Variants in FAM53A observed in about 807,000 individuals in gnomAD.
FAM53A encodes family with sequence similarity 53 member A.
Under a neutral mutation model 26.6 loss-of-function variants are expected in FAM53A, and 28 were observed. The observed-to-expected ratio is 1.05, with a 90% CI of 0.78 to 1.45. The LOEUF (loss-of-function observed/expected upper bound fraction) is 1.45, where lower values mean the gene tolerates loss of function less well. Among genes scored for constraint, FAM53A ranks in the 40% most tolerant of loss-of-function variants. The probability of loss-of-function intolerance (pLI) is 0.00; values close to 1 mark genes in which losing one functional copy is unlikely to be tolerated. For missense variants in FAM53A, 650 were observed against 575.8 expected (o/e 1.13, Z -1.32); for synonymous variants, 290 against 253.1 (o/e 1.15, Z -1.38).
chr4:1,603,844 C>T, the FAM53A span, among the ~76,000 whole-genome samples: 3 of 152,298 alleles, frequency 2.0e-5, no homozygotes, highest in African/African-American at 4.8e-5. Context: ...GGCTGGCAGG[C>T]GTCCTGGGCA....
chr4:1,622,636 G>A (rs1360832029), intron 1 of FAM53A, among the ~76,000 whole-genome samples: 1 of 152,252 alleles, frequency 6.6e-6, no homozygotes, highest in Non-Finnish European at 1.5e-5. Flanking sequence ...TGGGGGTCTG[G>A]CGGGGGCTGT....
intron 4 of FAM53A, chr4:1,644,723 C>A (rs1045190024): frequency 1.1e-5 from 2 of 185,642 alleles, no homozygotes; most frequent in South Asian, 1.3e-4. Context: ...AGCGCAGAGG[C>A]CTTTCAAACT....
In FAM53A at chr4:1,640,777, A is replaced by G. The variant is rs62286252; in HGVS notation, c.*516T>C. 29 of 353,454 alleles carry G rather than the reference A, an allele frequency of 8.2e-5. No homozygotes were observed. Among genetic ancestry groups the G allele is most frequent in the East Asian group, 4.8e-4 (4 of 8,286 alleles). 21.9% of individuals were successfully genotyped at this position (353,454 alleles called of 1,614,324 possible). A position where few individuals can be genotyped will look rare whatever the true frequency, so the allele number is the denominator to read the frequency against. The stretch of plus-strand genomic sequence containing the variant: ...CCCAGGGCAGGTGCCGGTGGCAGCC[A>G]TGGCCCCGACCAGCTCACAGGAAAC... On this transcript the variant is annotated 3_prime_UTR_variant, in exon 5 of 5. Coordinates refer to ENST00000308132, the MANE Select transcript of FAM53A (RefSeq NM_001174070.3).
chr4:1,648,196 G>A lies in FAM53A; in HGVS notation c.883-6589C>T, dbSNP rs143054614. Among the ~76,000 whole-genome samples, 18 of 152,288 alleles carry A rather than the reference G, an allele frequency of 1.2e-4. No homozygotes were observed. The Middle Eastern group carries it at 0.01, about 86-fold the overall frequency. ...TACACTCCAGCCAGGGCAACAGAGA[G>A]AGAGACCCTGTCTCCAAAAAACAAA... is the stretch of plus-strand genomic sequence containing the variant. On this transcript the variant is annotated intron_variant, in intron 4 of 4. Transcript: ENST00000308132.
rs373608600 is a variant in FAM53A, at chr4:1,633,993, G to A, written c.432-15882C>T. 9.2e-5 allele frequency among the ~76,000 whole-genome samples: 14 copies of A among 152,164 alleles called. No homozygotes were observed. The East Asian group carries it at 2.3e-3, about 25-fold the overall frequency. On this transcript the variant is annotated intron_variant, in intron 1 of 1. Coordinates refer to the FAM53A transcript ENST00000489029. Reference sequence around the variant, plus strand: ...TGAGGCTGTGGCTGGGGGAGCGCCCGGGGTTTCAGGGACACCCGGGAGGAC... The same window carrying A: ...TGAGGCTGTGGCTGGGGGAGCGCCCAGGGTTTCAGGGACACCCGGGAGGAC...
downstream of FAM53A, among the ~76,000 whole-genome samples, chr4:1,615,523 C>T (rs889097300): frequency 1.4e-5 from 2 of 147,880 alleles, no homozygotes; most frequent in South Asian, 4.3e-4. Flanking sequence ...CAGGATGTGG[C>T]CACGCCCATC....
At chr4:1,616,681 G>T (rs1560101718), downstream of FAM53A, among the ~76,000 whole-genome samples, 1 of 152,264 alleles carries the variant, frequency 6.6e-6, no homozygotes, top group Non-Finnish European at 1.5e-5. Context: ...GCTTTGATAA[G>T]AAGGATGCAG....
intron 2 of FAM53A, among the ~76,000 whole-genome samples, chr4:1,663,595 C>A (rs536079531): frequency 1.3e-5 from 2 of 152,160 alleles, no homozygotes; most frequent in Admixed American, 6.5e-5. Context: ...CTGTCCACCA[C>A]GGCAGCCACC....
At chr4:1,662,561 G>A (rs939081796) in intron 2 of FAM53A, among the ~76,000 whole-genome samples, 6 of 148,360 alleles carry the variant, frequency 4.0e-5, no homozygotes, top group Admixed American at 6.7e-5. Context: ...GAGGGAGGAG[G>A]ATCACTTGAG....
In FAM53A at chr4:1,657,313, G is replaced by C. The variant is rs934700374; in HGVS notation, c.136+95C>G. The C allele has an allele frequency of 5.1e-6, 6 of 1,169,362 alleles. No homozygotes were observed. The South Asian group carries it at 7.8e-5, about 15-fold the overall frequency. 72.4% of individuals were successfully genotyped at this position (1,169,362 alleles called of 1,614,324 possible). A position where few individuals can be genotyped will look rare whatever the true frequency, so the allele number is the denominator to read the frequency against. ...ACGAACACCTTCCTGGGCTTCTGCA[G>C]ATCCGGCTCATGTTCTGCGTCCAGG... On this transcript the variant is annotated intron_variant, in intron 3 of 4. Coordinates refer to ENST00000308132, the MANE Select transcript of FAM53A (RefSeq NM_001174070.3).
At chr4:1,678,157 C>T (rs6818586) in intron 1 of FAM53A, among the ~76,000 whole-genome samples, 2 of 152,048 alleles carry the variant, frequency 1.3e-5, no homozygotes, top group Non-Finnish European at 2.9e-5. Flanking sequence ...GAGTTCAAGA[C>T]CAGCCTGGGC....
chr4:1,640,131 G>A lies in FAM53A; in HGVS notation c.*1162C>T, dbSNP rs568500485. On this transcript the variant is annotated 3_prime_UTR_variant, in exon 5 of 5. Coordinates refer to ENST00000308132, the MANE Select transcript of FAM53A (RefSeq NM_001174070.3). ...CTGCCGGCAGGACAGCCTTCCCAGA[G>A]GTCTGGCACTACACCCCACCTGAAG... is the stretch of plus-strand genomic sequence containing the variant. 83 of 155,016 alleles carry A rather than the reference G, an allele frequency of 5.4e-4. No homozygotes were observed. Among genetic ancestry groups the A allele is most frequent in the South Asian group, 2.6e-3 (13 of 4,944 alleles). 9.6% of individuals were successfully genotyped at this position (155,016 alleles called of 1,614,324 possible). A position where few individuals can be genotyped will look rare whatever the true frequency, so the allele number is the denominator to read the frequency against.
At chr4:1,636,173 G>C (rs1715830177), downstream of FAM53A, among the ~76,000 whole-genome samples, 2 of 152,242 alleles carry the variant, frequency 1.3e-5, no homozygotes, top group South Asian at 4.1e-4. Flanking sequence ...GAAATGTACT[G>C]GCATTTGCTT....
chr4:1,666,282 C>A (rs1452009721), intron 2 of FAM53A, among the ~76,000 whole-genome samples: 16 of 138,536 alleles, frequency 1.2e-4, no homozygotes, highest in African/African-American at 4.5e-4. Flanking sequence ...AAACCTGCAC[C>A]CCCTGTATCT....
chr4:1,607,911 A>G, the FAM53A span, among the ~76,000 whole-genome samples: 143 of 146,440 alleles, frequency 9.8e-4, no homozygotes, highest in African/African-American at 3.0e-3. Flanking sequence ...CTGCACTCCA[A>G]CCTGGGCAAA....
chr4:1,667,614 C>T (rs1324941670), intron 2 of FAM53A, among the ~76,000 whole-genome samples: 1 of 152,204 alleles, frequency 6.6e-6, no homozygotes, highest in Non-Finnish European at 1.5e-5. Flanking sequence ...GACCCTCAGA[C>T]CCTCACTGGA....
rs1488595529 is a variant in FAM53A at position 1,659,011 on chromosome 4, T to C, written c.76-1543A>G. On this transcript the variant is annotated intron_variant, in intron 2 of 4. Transcript: ENST00000308132. This position sits in a 1 kb window ranked among gnomAD's most constrained non-coding sequence, Gnocchi z 5.2. ...CATGGCATCACGTCCTATGATAACA[T>C]TTCCAAACACGATAAAATTAAAAGG... 6.6e-6 allele frequency among the ~76,000 whole-genome samples: 1 copy of C among 152,254 alleles called. No homozygotes were observed. Among genetic ancestry groups the C allele is most frequent in the African/African-American group, 2.4e-5 (1 of 41,476 alleles).
intron 4 of FAM53A, 121 bp from the exon 5 acceptor site, chr4:1,641,728 G>A: frequency 1.0e-6 from 1 of 987,778 alleles, no homozygotes; most frequent in South Asian, 1.3e-5. Context: ...ACCACACAAA[G>A]CAGGGGCCTT....
At chr4:1,611,776 G>A in the FAM53A span, among the ~76,000 whole-genome samples, 1 of 152,256 alleles carries the variant, frequency 6.6e-6, no homozygotes, top group Non-Finnish European at 1.5e-5. Flanking sequence ...ACAGGCTGGA[G>A]GCAGCCCCTC....
Sources: gnomAD v4.1 joint callset for allele counts (sites outside exome capture counted in the v4.1 genomes callset) on GRCh38, gnomAD v4.1.1 for gene constraint, Gnocchi (gnomAD v3.1) non-coding constraint, MANE v1.5 for transcripts, NCBI Gene and HGNC (gene_info 2026-07-23, HGNC 2026-07-21) for gene names.